The following REEP1 variants were observed in gnomAD, a reference collection of about 807,000 sequenced individuals.
The protein encoded by REEP1 is receptor expression-enhancing protein 1.
A neutral mutation model predicts 40.3 loss-of-function variants in REEP1; 22 were observed. That is an observed-to-expected ratio of 0.55 (90% CI 0.39 to 0.78). The LOEUF (loss-of-function observed/expected upper bound fraction) is 0.78. REEP1 is among the 30% of genes least tolerant of loss of function. REEP1 has a pLI of 0.00. For missense variants in REEP1, 280 were observed against 361.1 expected (o/e 0.78, Z 1.82); for synonymous variants, 116 against 139.2 (o/e 0.83, Z 1.17).
intron 1 of REEP1, among the ~76,000 whole-genome samples, chr2:86,302,651 A>G (rs1679302705): frequency 6.6e-6 from 1 of 152,224 alleles, no homozygotes; most frequent in Non-Finnish European, 1.5e-5. Flanking sequence ...ATAAAACATT[A>G]AAAGGTCACT....
chr2:86,244,631 G>A (rs1574024146), intron 5 of REEP1, among the ~76,000 whole-genome samples: 1 of 152,184 alleles, frequency 6.6e-6, no homozygotes, highest in Non-Finnish European at 1.5e-5. Context: ...TGAGTTTCCA[G>A]CTCCTGGTGA....
At chr2:86,275,063 A>G (rs939552232) in intron 2 of REEP1, among the ~76,000 whole-genome samples, 4 of 152,082 alleles carry the variant, frequency 2.6e-5, no homozygotes, top group African/African-American at 9.7e-5. Context: ...AGGCACATTC[A>G]ATTTCTCAAG....
chr2:86,301,226 A>G (rs978860657), intron 1 of REEP1, among the ~76,000 whole-genome samples: 1 of 152,220 alleles, frequency 6.6e-6, no homozygotes, highest in Non-Finnish European at 1.5e-5. Flanking sequence ...TGATCACAGC[A>G]CCAGCGGAAA....
chr2:86,309,390 A>G (rs1369228584), intron 1 of REEP1, among the ~76,000 whole-genome samples: 2 of 152,254 alleles, frequency 1.3e-5, no homozygotes, highest in Admixed American at 6.5e-5. Context: ...CTGAAGACCA[A>G]CTTTGAAAGA....
At chr2:86,319,354 A>G (rs927698934) in intron 1 of REEP1, among the ~76,000 whole-genome samples, 6 of 152,362 alleles carry the variant, frequency 3.9e-5, no homozygotes, top group African/African-American at 1.4e-4. Flanking sequence ...CATGGTATGC[A>G]TTAAATTGTT....
chr2:86,312,429 G>A (rs928097495), intron 1 of REEP1, among the ~76,000 whole-genome samples: 1 of 152,130 alleles, frequency 6.6e-6, no homozygotes, highest in African/African-American at 2.4e-5. Context: ...TCATTGCCCT[G>A]CACTATAAAT....
chr2:86,295,782 G>A (rs182227998), intron 1 of REEP1, among the ~76,000 whole-genome samples: 2 of 152,088 alleles, frequency 1.3e-5, no homozygotes, highest in African/African-American at 4.8e-5. Flanking sequence ...CTCGTGATCC[G>A]CCCGCCTTGG....
chr2:86,234,478 A>C (rs1417153673), intron 5 of REEP1, among the ~76,000 whole-genome samples: 1 of 152,174 alleles, frequency 6.6e-6, no homozygotes, highest in Non-Finnish European at 1.5e-5. Context: ...GGATCATACC[A>C]CTGCACTCTA....
At chr2:86,324,468 A>G (rs1680411371) in intron 1 of REEP1, among the ~76,000 whole-genome samples, 1 of 152,228 alleles carries the variant, frequency 6.6e-6, no homozygotes, top group Non-Finnish European at 1.5e-5. Context: ...TCAGAATGGC[A>G]AAAATTCTAA....
At chr2:86,307,621 C>T (rs969413390) in intron 1 of REEP1, among the ~76,000 whole-genome samples, 47 of 151,918 alleles carry the variant, frequency 3.1e-4, no homozygotes, top group African/African-American at 1.0e-3. Flanking sequence ...ATCAGCTGGG[C>T]GTGGTGGCAC....
chr2:86,281,553 G>A (rs906941384), intron 2 of REEP1, among the ~76,000 whole-genome samples: 5 of 152,096 alleles, frequency 3.3e-5, no homozygotes, highest in African/African-American at 4.8e-5. Context: ...TCTTGAACCC[G>A]GGAGGCGGAG....
rs111522084 is a variant in REEP1 at position 86,272,649 on chromosome 2, C to T, written c.106-8608G>A. Among the ~76,000 whole-genome samples the T allele has an allele frequency of 8.9e-3, 1,357 of 152,310 alleles. 16 individuals are homozygous for T. Among genetic ancestry groups the T allele is most frequent in the Non-Finnish European group, 0.015 (1,011 of 68,030 alleles). On this transcript the variant is annotated intron_variant, in intron 2 of 8. Coordinates refer to ENST00000538924, the MANE Select transcript of REEP1 (RefSeq NM_001371279.1). The stretch of plus-strand genomic sequence containing the variant: ...CTCACCTAACACAGGTAACCAATCC[C>T]CAAGTTCTGTCACTTCCACCCTCTT...
At chr2:86,267,458 C>G (rs1677211613) in intron 2 of REEP1, among the ~76,000 whole-genome samples, 1 of 152,106 alleles carries the variant, frequency 6.6e-6, no homozygotes, top group African/African-American at 2.4e-5. Context: ...TATAAATTAC[C>G]CAGTCTCAGG....
chr2:86,242,058 A>T (rs1174983434), intron 5 of REEP1, among the ~76,000 whole-genome samples: 2 of 152,136 alleles, frequency 1.3e-5, no homozygotes, highest in Non-Finnish European at 2.9e-5. Context: ...AACAGTGAGG[A>T]AAGAGAAGAT....
chr2:86,265,877 C>G (rs1677107643), intron 2 of REEP1, among the ~76,000 whole-genome samples: 1 of 152,198 alleles, frequency 6.6e-6, no homozygotes, highest in Non-Finnish European at 1.5e-5. Context: ...AAAGCCCAGA[C>G]TTCATCACTA....
intron 5 of REEP1, among the ~76,000 whole-genome samples, chr2:86,241,644 T>C (rs1003451630): frequency 4.6e-5 from 7 of 152,180 alleles, no homozygotes; most frequent in Admixed American, 2.6e-4. Context: ...GCAAGGACAC[T>C]GGAGGAACTA....
chr2:86,233,182 AT>A (rs1240392958), intron 5 of REEP1, among the ~76,000 whole-genome samples: 8 of 152,182 alleles, frequency 5.3e-5, no homozygotes, highest in Non-Finnish European at 1.2e-4. Context: ...ATAAATAAAA[AT>A]CCACATGTAT....
chr2:86,232,934 C>A (rs1350646127), intron 5 of REEP1, 132 bp from the exon 6 acceptor site: 2 of 877,468 alleles, frequency 2.3e-6, no homozygotes, highest in East Asian at 5.3e-5. Flanking sequence ...GGCGCAGGTG[C>A]CCAGACATAG....
rs532186551 is a variant in REEP1 at position 86,284,331 on chromosome 2, G to A, written c.33-2089C>T. On this transcript the variant is annotated intron_variant, in intron 1 of 8. Transcript: ENST00000538924. ...TGTATCCACTTGGTCAGCTCAGGGT[G>A]CGTCTCTCCCACAAGACTGTGTTCC... Among the ~76,000 whole-genome samples the A allele has an allele frequency of 4.0e-5, 3 of 75,590 alleles. No individual in the cohort carries two copies. The South Asian group carries it at 1.8e-3, about 45-fold the overall frequency. The allele number at this position is 75,590 out of a possible 152,430, so 49.6% of individuals were successfully genotyped here.
Sources: gnomAD v4.1 joint callset for allele counts (sites outside exome capture counted in the v4.1 genomes callset) on GRCh38, gnomAD v4.1.1 for gene constraint, MANE v1.5 for transcripts, NCBI Gene and HGNC (gene_info 2026-07-23, HGNC 2026-07-21) for gene names.